The following SRGAP2 variants were observed in gnomAD, a reference collection of about 807,000 sequenced individuals.
SRGAP2 encodes SLIT-ROBO Rho GTPase-activating protein 2.
A neutral mutation model predicts 57.2 loss-of-function variants in SRGAP2; 15 were observed. The observed-to-expected ratio is 0.26, with a 90% CI of 0.18 to 0.40. SRGAP2 has a LOEUF of 0.40. SRGAP2 is among the 10% of genes least tolerant of loss of function. The probability of loss-of-function intolerance (pLI) is 1.00; values close to 1 mark genes in which losing one functional copy is unlikely to be tolerated. For synonymous variants in SRGAP2, 249 were observed against 248.0 expected (o/e 1.00, Z -0.04); for missense variants, 520 against 669.6 (o/e 0.78, Z 2.47).
At chr1:206,220,798 A>G (rs1553304501) in intron 2 of SRGAP2, among the ~76,000 whole-genome samples, 3 of 152,200 alleles carry the variant, frequency 2.0e-5, no homozygotes, top group African/African-American at 7.2e-5. Context: ...GAAACTTTCA[A>G]GGCGTTGGCT....
chr1:206,370,883 AAAC>A (rs1331126587), intron 4 of SRGAP2, among the ~76,000 whole-genome samples: 1 of 152,090 alleles, frequency 6.6e-6, no homozygotes, highest in African/African-American at 2.4e-5. Context: ...AAACGTCAGA[AAAC>A]AATGCATACT....
intron 11 of SRGAP2, 98 bp downstream of exon 11, chr1:206,416,071 CTTG>C: frequency 1.6e-6 from 1 of 644,510 alleles, no homozygotes; most frequent in Non-Finnish European, 2.8e-6. Context: ...TGGACCCGAT[CTTG>C]TTGTATGAAT....
intron 10 of SRGAP2, among the ~76,000 whole-genome samples, chr1:206,413,859 A>T (rs1374608783): frequency 6.6e-6 from 1 of 152,184 alleles, no homozygotes; most frequent in Non-Finnish European, 1.5e-5. Flanking sequence ...ACACAGGACC[A>T]TCTGGGTGAA....
chr1:206,291,550 C>T (rs1671321044), intron 2 of SRGAP2, among the ~76,000 whole-genome samples: 1 of 151,754 alleles, frequency 6.6e-6, no homozygotes, highest in Non-Finnish European at 1.5e-5. Flanking sequence ...CCAAGTTTTT[C>T]TGAATGCGGT....
chr1:206,446,517 A>T (rs1367426782), intron 18 of SRGAP2, among the ~76,000 whole-genome samples: 2 of 152,200 alleles, frequency 1.3e-5, no homozygotes, highest in Non-Finnish European at 2.9e-5. Flanking sequence ...ATGAGTTCTG[A>T]GTGGCAAGGG....
At chr1:206,415,834 T>G in intron 10 of SRGAP2, 55 bp from the exon 11 acceptor site, 1 of 738,168 alleles carries the variant, frequency 1.4e-6, no homozygotes, top group Non-Finnish European at 2.5e-6. Context: ...CATCTGTGAT[T>G]TTTTTCTTCT....
rs948465797 is a variant in SRGAP2, at chr1:206,444,796, A to G, written c.1875-1279A>G. Among the ~76,000 whole-genome samples, 5 of 152,348 alleles carry G rather than the reference A, an allele frequency of 3.3e-5. No homozygotes were observed. In the East Asian group the frequency reaches 5.8e-4, roughly 18 times the overall value. Reference sequence around the variant, plus strand: ...TTAAGAACTCCTGTGAAGCAATCCAATGAGATTTGTAACCTCCCCCGTTGC... The same window carrying G: ...TTAAGAACTCCTGTGAAGCAATCCAGTGAGATTTGTAACCTCCCCCGTTGC... On this transcript the variant is annotated intron_variant, in intron 17 of 22. Transcript: ENST00000573034.
intron 3 of SRGAP2, among the ~76,000 whole-genome samples, chr1:206,311,341 G>A (rs1384477939): frequency 1.3e-5 from 2 of 152,186 alleles, no homozygotes; most frequent in East Asian, 3.8e-4. Flanking sequence ...TGCCACAGGT[G>A]CACAAAGAAG....
At chr1:206,421,300 G>C in intron 13 of SRGAP2, 26 bp downstream of exon 13, 1 of 772,124 alleles carries the variant, frequency 1.3e-6, no homozygotes, top group Non-Finnish European at 2.4e-6. Context: ...GGGCCAGGCT[G>C]GTCTGGCCTG....
chr1:206,425,861 T>C (rs1428921478), intron 13 of SRGAP2, among the ~76,000 whole-genome samples: 1 of 151,340 alleles, frequency 6.6e-6, no homozygotes. Flanking sequence ...TTTTTTTTTT[T>C]TTGAGATGGA....
intron 3 of SRGAP2, among the ~76,000 whole-genome samples, chr1:206,327,314 C>T (rs61816806): frequency 2.7e-5 from 4 of 147,832 alleles, no homozygotes; most frequent in South Asian, 2.1e-4. Context: ...ACAACAAGAG[C>T]GAAACTCCGT....
chr1:206,411,359 T>C (rs1264835713), intron 10 of SRGAP2, among the ~76,000 whole-genome samples: 2 of 152,202 alleles, frequency 1.3e-5, no homozygotes, highest in Admixed American at 6.5e-5. Flanking sequence ...TTGGAACTTG[T>C]GGTCTGAGAT....
chr1:206,314,110 T>TG (rs1188504278), intron 3 of SRGAP2, among the ~76,000 whole-genome samples: 4 of 150,422 alleles, frequency 2.7e-5, no homozygotes, highest in Admixed American at 6.6e-5. Flanking sequence ...TTTTTGTTTT[T>TG]TTTTTTTTGT....
At chr1:206,333,471 G>C (rs1674535320) in intron 3 of SRGAP2, 1 of 1,484,568 alleles carries the variant, frequency 6.7e-7, no homozygotes, top group Admixed American at 1.7e-5. Flanking sequence ...CCGGCGGGGC[G>C]AGGCGAAGGT....
At chr1:206,270,741 C>A (rs1180714564) in intron 2 of SRGAP2, among the ~76,000 whole-genome samples, 1 of 43,908 alleles carries the variant, frequency 2.3e-5, no homozygotes, top group Non-Finnish European at 4.0e-5. Flanking sequence ...ACACGTGCCA[C>A]GTTTTAAAAA....
chr1:206,259,203 G>C (rs1440332632), intron 2 of SRGAP2, among the ~76,000 whole-genome samples: 2 of 151,846 alleles, frequency 1.3e-5, no homozygotes, highest in Non-Finnish European at 2.9e-5. Context: ...TGCCTTATCT[G>C]TTCCTCTGGC....
At chr1:206,313,035 T>A (rs540924170) in intron 3 of SRGAP2, among the ~76,000 whole-genome samples, 1 of 152,178 alleles carries the variant, frequency 6.6e-6, no homozygotes, top group African/African-American at 2.4e-5. Flanking sequence ...CTGCTTTTAA[T>A]AGCTCATTTT....
intron 2 of SRGAP2, among the ~76,000 whole-genome samples, chr1:206,288,012 A>G (rs1671107675): frequency 7.1e-6 from 1 of 140,544 alleles, no homozygotes; most frequent in Non-Finnish European, 1.5e-5. Flanking sequence ...GGATTTGGTA[A>G]TGGTGCATAT....
At chr1:206,281,442 T>A (rs1670729637) in intron 2 of SRGAP2, among the ~76,000 whole-genome samples, 1 of 121,674 alleles carries the variant, frequency 8.2e-6, no homozygotes, top group Non-Finnish European at 1.6e-5. Flanking sequence ...CAAGTTGACA[T>A]AATACACACC....
Sources: gnomAD v4.1 joint callset for allele counts (sites outside exome capture counted in the v4.1 genomes callset) on GRCh38, gnomAD v4.1.1 for gene constraint, MANE v1.5 for transcripts, NCBI Gene and HGNC (gene_info 2026-07-23, HGNC 2026-07-21) for gene names.